RAP1A: variants seen among roughly 807,000 people sequenced by gnomAD.
RAP1A encodes the protein ras-related protein Rap-1A.
A neutral mutation model predicts 26.4 loss-of-function variants in RAP1A; 6 were observed. That is an observed-to-expected ratio of 0.23 (90% CI 0.12 to 0.45). The LOEUF (loss-of-function observed/expected upper bound fraction) is 0.45. Ranked by LOEUF, RAP1A falls within the 20% of genes least tolerant of loss-of-function variation. The pLI, the probability that RAP1A is intolerant of heterozygous loss-of-function variation, is 0.99. For synonymous variants in RAP1A, 73 were observed against 79.4 expected, an observed-to-expected ratio of 0.92 and a Z score of 0.43; for missense variants, 121 against 217.2, an observed-to-expected ratio of 0.56 and a Z score of 2.78.
intron 1 of RAP1A, among the ~76,000 whole-genome samples, chr1:111,563,297 T>C (rs1056934198): frequency 6.6e-6 from 1 of 151,982 alleles, no homozygotes; most frequent in Non-Finnish European, 1.5e-5. Flanking sequence ...AATAAATAAA[T>C]AAATAAACCC....
chr1:111,580,539 G>C (rs1658234422), intron 1 of RAP1A, among the ~76,000 whole-genome samples: 2 of 152,198 alleles, frequency 1.3e-5, no homozygotes, highest in African/African-American at 4.8e-5. Context: ...AAAGACAGAA[G>C]AGAGAAGATC....
upstream of RAP1A, among the ~76,000 whole-genome samples, chr1:111,619,508 AG>A (rs2101085867): frequency 6.6e-6 from 1 of 152,340 alleles, no homozygotes; most frequent in African/African-American, 2.4e-5. Flanking sequence ...CGAATGATTG[AG>A]TTCCCTCCAA....
intron 1 of RAP1A, among the ~76,000 whole-genome samples, chr1:111,581,783 G>A (rs1025065933): frequency 5.9e-5 from 9 of 152,286 alleles, no homozygotes; most frequent in African/African-American, 2.2e-4. Context: ...ATGCTGCCTA[G>A]AGAATTCAGG....
intron 1 of RAP1A, among the ~76,000 whole-genome samples, chr1:111,578,014 T>C (rs1308468434): frequency 6.6e-6 from 1 of 152,204 alleles, no homozygotes; most frequent in Non-Finnish European, 1.5e-5. Context: ...CAAATAAATA[T>C]AATCAAGTAT....
intron 1 of RAP1A, among the ~76,000 whole-genome samples, chr1:111,675,565 A>G (rs1334692968): frequency 3.9e-5 from 6 of 151,966 alleles, no homozygotes; most frequent in Admixed American, 2.6e-4. Flanking sequence ...CTTTATTCCC[A>G]TTGCTTTGTA....
At chr1:111,609,073 A>C (rs533087651) in intron 1 of RAP1A, among the ~76,000 whole-genome samples, 132 of 152,310 alleles carry the variant, frequency 8.7e-4, no homozygotes, top group African/African-American at 3.0e-3. Context: ...GCACAGGCTG[A>C]GTTTGTGCTA....
chr1:111,643,455 T>G (rs1659956333), intron 1 of RAP1A, among the ~76,000 whole-genome samples: 2 of 152,242 alleles, frequency 1.3e-5, no homozygotes, highest in Admixed American at 1.3e-4. Flanking sequence ...GCATCAAGTT[T>G]AGAACTTTAA....
intron 1 of RAP1A, among the ~76,000 whole-genome samples, chr1:111,603,191 A>G (rs901215880): frequency 3.9e-5 from 6 of 152,224 alleles, no homozygotes; most frequent in Non-Finnish European, 8.8e-5. Context: ...CTGACACTGG[A>G]AAGTACCAGT....
chr1:111,580,061 G>T (rs1402636745), intron 1 of RAP1A, among the ~76,000 whole-genome samples: 1 of 152,172 alleles, frequency 6.6e-6, no homozygotes, highest in Non-Finnish European at 1.5e-5. Context: ...CTCCCAAAGT[G>T]CTAGGATTAC....
At chr1:111,674,592 A>G (rs1328914067) in intron 1 of RAP1A, among the ~76,000 whole-genome samples, 1 of 152,174 alleles carries the variant, frequency 6.6e-6, no homozygotes, top group Non-Finnish European at 1.5e-5. Context: ...TTCTTCCCAT[A>G]GGAATCTCAT....
chr1:111,683,019 C>G (rs952955068), intron 1 of RAP1A, among the ~76,000 whole-genome samples: 2 of 152,156 alleles, frequency 1.3e-5, no homozygotes, highest in Non-Finnish European at 2.9e-5. Context: ...GAAACTCACT[C>G]AAAACTGCAC....
At chr1:111,662,806 A>C (rs1030044609) in intron 1 of RAP1A, among the ~76,000 whole-genome samples, 1 of 152,226 alleles carries the variant, frequency 6.6e-6, no homozygotes. Flanking sequence ...TTGTTGTGTA[A>C]ATAAAGAAGT....
intron 1 of RAP1A, among the ~76,000 whole-genome samples, chr1:111,650,859 G>A (rs1052670334): frequency 9.9e-5 from 15 of 151,742 alleles, no homozygotes; most frequent in Non-Finnish European, 2.1e-4. Context: ...ACAGTGGCGC[G>A]ATCACTGCAA....
chr1:111,648,663 T>C lies in RAP1A; in HGVS notation c.-28+28729T>C, dbSNP rs147928769. The C allele has an allele frequency of 6.7e-3, 3,563 of 530,192 alleles. 15 individuals carry two copies. Among genetic ancestry groups the C allele is most frequent in the Non-Finnish European group, 9.5e-3 (2,689 of 282,154 alleles). The allele number at this position is 530,192 out of a possible 1,614,324, so 32.8% of individuals were successfully genotyped here. ...ATTTCTCACTGAGTCCAGGTCAATC[T>C]TTAAGGACTGGACTGTATGTCTCAG... On this transcript the variant is annotated intron_variant, in intron 1 of 7. Transcript: ENST00000369709.
At chr1:111,648,792 C>T (rs911659101) in intron 1 of RAP1A, 85 of 649,766 alleles carry the variant, frequency 1.3e-4, no homozygotes, top group Non-Finnish European at 2.1e-4. Context: ...TAGCTCCTGT[C>T]GATTCTTTCA....
chr1:111,549,223 A>AT (rs1384492440), intron 1 of RAP1A, among the ~76,000 whole-genome samples: 4 of 148,354 alleles, frequency 2.7e-5, no homozygotes, highest in African/African-American at 1.0e-4. Context: ...CCTGCCCTTT[A>AT]TTTTTTTAAA....
chr1:111,621,834 G>GTTA (rs1423658528), intron 1 of RAP1A, among the ~76,000 whole-genome samples: 1 of 152,154 alleles, frequency 6.6e-6, no homozygotes, highest in Non-Finnish European at 1.5e-5. Flanking sequence ...ATCCCTCAGT[G>GTTA]TTACACAGTT....
At position 111,712,871 on chromosome 1, in the gene RAP1A, C is replaced by G. The variant is rs1803876; in HGVS notation, c.*470C>G. 6.6e-6 allele frequency: 1 copy of G among 152,308 alleles called. No individual in the cohort carries two copies. Among genetic ancestry groups the G allele is most frequent in the Non-Finnish European group, 1.5e-5 (1 of 67,916 alleles). The allele number at this position is 152,308 out of a possible 1,614,324, so 9.4% of individuals were successfully genotyped here. A position where few individuals can be genotyped will look rare whatever the true frequency, so the allele number is the denominator to read the frequency against. ...ATTGCAGCAGATAACTTTTTTGAGT[C>G]ATTGACTTCATTTTATATTTAAAAA... is the stretch of plus-strand genomic sequence containing the variant. On this transcript the variant is annotated 3_prime_UTR_variant, in exon 8 of 8. Transcript: ENST00000369709.
intron 1 of RAP1A, among the ~76,000 whole-genome samples, chr1:111,584,539 A>C (rs1157485877): frequency 1.3e-5 from 2 of 152,240 alleles, no homozygotes; most frequent in East Asian, 3.9e-4. Flanking sequence ...TGGAGCCCTC[A>C]TGAGTTAATC....
Sources: allele counts gnomAD v4.1 joint callset (sites outside exome capture counted in the v4.1 genomes callset), GRCh38; gene constraint gnomAD v4.1.1; transcripts MANE v1.5; gene names NCBI Gene and HGNC (gene_info 2026-07-23, HGNC 2026-07-21).